PRKN: variants seen among roughly 807,000 people sequenced by gnomAD.
The protein encoded by PRKN is E3 ubiquitin-protein ligase parkin.
PRKN carries 56 observed loss-of-function variants against 59.5 expected under a neutral mutation model. The ratio of observed to expected loss-of-function variants is 0.94; its 90% CI spans 0.76 to 1.18. The LOEUF (loss-of-function observed/expected upper bound fraction) is 1.18, where lower values mean the gene tolerates loss of function less well. Among genes scored for constraint, PRKN ranks in the 50% most tolerant of loss-of-function variants. The pLI, the probability that PRKN is intolerant of heterozygous loss-of-function variation, is 0.00. For synonymous variants in PRKN, 250 were observed against 222.1 expected (o/e 1.13, Z -1.12); for missense variants, 657 against 596.4 (o/e 1.10, Z -1.06).
intron 4 of PRKN, among the ~76,000 whole-genome samples, chr6:162,058,501 G>C (rs1777958469): frequency 6.6e-6 from 1 of 152,182 alleles, no homozygotes; most frequent in African/African-American, 2.4e-5. Flanking sequence ...CTGTGCTTGA[G>C]GCACCGAAAA....
chr6:161,633,921 G>T (rs1783409509), intron 7 of PRKN, among the ~76,000 whole-genome samples: 1 of 151,494 alleles, frequency 6.6e-6, no homozygotes, highest in Non-Finnish European at 1.5e-5. Flanking sequence ...AATGATTATG[G>T]GCTAAAGCTG....
At chr6:161,830,403 C>T (rs1051131658) in intron 6 of PRKN, among the ~76,000 whole-genome samples, 1 of 152,110 alleles carries the variant, frequency 6.6e-6, no homozygotes, top group African/African-American at 2.4e-5. Flanking sequence ...AGGTGCCCGC[C>T]ACCATGCCGA....
chr6:161,924,221 CT>C (rs1349869123), intron 6 of PRKN, among the ~76,000 whole-genome samples: 5 of 152,122 alleles, frequency 3.3e-5, no homozygotes, highest in African/African-American at 1.2e-4. Flanking sequence ...CTTACTGCCC[CT>C]ATCACACTAC....
intron 1 of PRKN, among the ~76,000 whole-genome samples, chr6:162,698,584 C>G (rs1778048099): frequency 6.6e-6 from 1 of 152,150 alleles, no homozygotes; most frequent in East Asian, 1.9e-4. Flanking sequence ...CTGCAAGTTT[C>G]TCCCCAGGTG....
In PRKN at chr6:161,588,495, A is replaced by C. The variant is rs1781598933; in HGVS notation, c.872-19079T>G. 6.6e-6 allele frequency among the ~76,000 whole-genome samples: 1 copy of C among 152,216 alleles called. No homozygotes were observed. Among genetic ancestry groups the C allele is most frequent in the African/African-American group, 2.4e-5 (1 of 41,458 alleles). Reference sequence around the variant, plus strand: ...GAAGCAATTTAAGGATATTTGCAACAAACAAGTTGGTTTGCTGGTGTTGCT... The same window carrying C: ...GAAGCAATTTAAGGATATTTGCAACCAACAAGTTGGTTTGCTGGTGTTGCT... On this transcript the variant is annotated intron_variant, in intron 7 of 11. Coordinates refer to ENST00000366898, the MANE Select transcript of PRKN (RefSeq NM_004562.3). This position sits in a 1 kb window ranked among gnomAD's most constrained non-coding sequence, Gnocchi z 5.0.
chr6:162,266,905 G>T (rs1780165581), intron 2 of PRKN, among the ~76,000 whole-genome samples: 1 of 152,156 alleles, frequency 6.6e-6, no homozygotes, highest in African/African-American at 2.4e-5. Context: ...AAAATATACA[G>T]AGAAGGCAGA....
intron 6 of PRKN, among the ~76,000 whole-genome samples, chr6:161,886,526 G>A (rs550959356): frequency 5.2e-4 from 79 of 151,940 alleles, no homozygotes; most frequent in African/African-American, 1.7e-3. Context: ...GAGAAACCCC[G>A]TCTCTACTAA....
intron 6 of PRKN, among the ~76,000 whole-genome samples, chr6:161,883,235 C>A (rs780562505): frequency 3.3e-5 from 5 of 151,996 alleles, no homozygotes; most frequent in Non-Finnish European, 5.9e-5. Flanking sequence ...GGCATGGTGG[C>A]TCATGCCTGT....
intron 7 of PRKN, among the ~76,000 whole-genome samples, chr6:161,608,974 C>T (rs559889513): frequency 3.9e-5 from 6 of 152,232 alleles, no homozygotes; most frequent in African/African-American, 9.6e-5. Flanking sequence ...TGCACATGCC[C>T]GTCAAACATA....
chr6:161,430,158 T>C (rs972463229), intron 9 of PRKN, among the ~76,000 whole-genome samples: 3 of 152,110 alleles, frequency 2.0e-5, no homozygotes, highest in Non-Finnish European at 4.4e-5. Context: ...GAGGGAGACA[T>C]TGTCTTTGTT....
intron 4 of PRKN, among the ~76,000 whole-genome samples, chr6:162,129,067 A>G (rs1053748464): frequency 3.3e-5 from 5 of 152,204 alleles, no homozygotes; most frequent in African/African-American, 1.2e-4. Flanking sequence ...AAAGGATAAC[A>G]TCATATAGGG....
At chr6:162,462,644 C>CATA (rs1451973557) in intron 1 of PRKN, among the ~76,000 whole-genome samples, 1 of 152,094 alleles carries the variant, frequency 6.6e-6, no homozygotes, top group Non-Finnish European at 1.5e-5. Flanking sequence ...CAAGTCCATC[C>CATA]ATAATGATAA....
At chr6:161,635,179 AG>A (rs1783468432) in intron 7 of PRKN, among the ~76,000 whole-genome samples, 1 of 152,240 alleles carries the variant, frequency 6.6e-6, no homozygotes, top group Admixed American at 6.5e-5. Context: ...AAAAAAGAGT[AG>A]ATTTCTGGTT....
At chr6:161,721,083 T>C (rs6935137) in intron 7 of PRKN, among the ~76,000 whole-genome samples, 3,519 of 152,328 alleles carry the variant, frequency 0.023, 150 homozygotes, top group African/African-American at 0.081. Flanking sequence ...ATCCGATCCA[T>C]GGGCAGAGGT....
intron 1 of PRKN, among the ~76,000 whole-genome samples, chr6:162,633,321 G>C (rs1032120409): frequency 2.0e-5 from 3 of 147,040 alleles, no homozygotes; most frequent in Admixed American, 7.0e-5. Context: ...TGTAAGCCCA[G>C]TTATTTGGGA....
intron 1 of PRKN, among the ~76,000 whole-genome samples, chr6:162,445,971 C>T (rs750418010): frequency 7.9e-5 from 12 of 151,690 alleles, no homozygotes; most frequent in Non-Finnish European, 1.5e-4. Flanking sequence ...CTGACCAGCA[C>T]GGAAAGTGTT....
intron 5 of PRKN, among the ~76,000 whole-genome samples, chr6:161,998,677 T>G (rs927308600): frequency 6.6e-6 from 1 of 152,054 alleles, no homozygotes; most frequent in Non-Finnish European, 1.5e-5. Flanking sequence ...ACACTTTCAA[T>G]AAGAGGAAGT....
At position 161,566,095 on chromosome 6, in the gene PRKN, C is replaced by T. The variant is rs989494433; in HGVS notation, c.933+3260G>A. Among the ~76,000 whole-genome samples, 1 of 152,198 alleles carries T rather than the reference C, an allele frequency of 6.6e-6. No homozygotes were observed. The highest frequency in any genetic ancestry group is 1.5e-5 in the Non-Finnish European group (1 of 68,034). ...ATTAAGAAGGTCATTTTCTTATCTC[C>T]ATCCCTCAGCTACCTCATTTCTTTG... On this transcript the variant is annotated intron_variant, in intron 8 of 11. Coordinates refer to ENST00000366898, the MANE Select transcript of PRKN (RefSeq NM_004562.3). The surrounding 1 kb of genome is among the most constrained non-coding windows in gnomAD (Gnocchi z 4.1).
At chr6:161,601,303 T>C (rs1003397062) in intron 7 of PRKN, among the ~76,000 whole-genome samples, 8 of 152,150 alleles carry the variant, frequency 5.3e-5, no homozygotes, top group Admixed American at 1.3e-4. Context: ...GCTGAAGGCT[T>C]CTTCCCCATT....
Sources: allele counts gnomAD v4.1 joint callset (sites outside exome capture counted in the v4.1 genomes callset), GRCh38; gene constraint gnomAD v4.1.1; non-coding constraint Gnocchi (gnomAD v3.1); transcripts MANE v1.5; gene names NCBI Gene and HGNC (gene_info 2026-07-23, HGNC 2026-07-21).